PTPRT: variants seen among roughly 807,000 people sequenced by gnomAD.
PTPRT encodes receptor-type tyrosine-protein phosphatase T.
Under a neutral mutation model 176.8 loss-of-function variants are expected in PTPRT, and 56 were observed. That is an observed-to-expected ratio of 0.32 (90% confidence interval 0.26 to 0.40). PTPRT has a LOEUF of 0.40. Ranked by LOEUF, PTPRT falls within the 10% of genes least tolerant of loss-of-function variation. PTPRT has a pLI of 1.00. For missense variants in PTPRT, 1,540 were observed against 1,908.2 expected (o/e 0.81, Z 3.60); for synonymous variants, 783 against 739.0 (o/e 1.06, Z -0.96).
At position 42,413,125 on chromosome 20, in the gene PTPRT, G is replaced by T. The variant is rs151181733; in HGVS notation, c.1560+35095C>A. Among the ~76,000 whole-genome samples the T allele has an allele frequency of 2.8e-3, 419 of 152,162 alleles. 4 individuals carry two copies. Among genetic ancestry groups the T allele is most frequent in the African/African-American group, 9.4e-3 (392 of 41,500 alleles). The stretch of plus-strand genomic sequence containing the variant: ...AGATGACATTAGAGTGATACGGCAC[G>T]ATATTTTTGCCCAACCCTACCACCA... On this transcript the variant is annotated intron_variant, in intron 9 of 30. Transcript: ENST00000373187.
intron 12 of PTPRT, among the ~76,000 whole-genome samples, chr20:42,301,542 G>A (rs1183828466): frequency 1.3e-5 from 2 of 152,038 alleles, no homozygotes; most frequent in Non-Finnish European, 2.9e-5. Flanking sequence ...AGTATTATGT[G>A]GACATTAATT....
Position 42,087,999 on chromosome 20 carries a change from G to T in PTPRT, c.3847-2146C>A, listed in dbSNP as rs796164271. Among the ~76,000 whole-genome samples the T allele has an allele frequency of 3.3e-5, 5 of 152,110 alleles. 1 individual carries two copies. Among genetic ancestry groups the T allele is most frequent in the African/African-American group, 1.2e-4 (5 of 41,500 alleles). On this transcript the variant is annotated intron_variant, in intron 27 of 30. Coordinates refer to ENST00000373187, the MANE Select transcript of PTPRT (RefSeq NM_007050.6). ...AGAGAATGTTGAGGTGGGGGGTGGG[G>T]TGTGTGGCTGCAGAGAGGAGCAAGG... is the stretch of plus-strand genomic sequence containing the variant.
At chr20:43,177,347 G>C (rs114560290) in intron 1 of PTPRT, among the ~76,000 whole-genome samples, 365 of 152,320 alleles carry the variant, frequency 2.4e-3, no homozygotes, top group African/African-American at 8.1e-3. Context: ...GGAACCTTTT[G>C]TGTGAGCCAA....
intron 6 of PTPRT, among the ~76,000 whole-genome samples, chr20:42,749,538 A>C (rs1322364767): frequency 1.3e-5 from 2 of 152,240 alleles, no homozygotes; most frequent in Admixed American, 1.3e-4. Context: ...TCTGCCACTT[A>C]TGAGCAGTAT....
At chr20:42,462,436 C>A (rs1252432805) in intron 8 of PTPRT, among the ~76,000 whole-genome samples, 2 of 151,990 alleles carry the variant, frequency 1.3e-5, no homozygotes, top group African/African-American at 4.8e-5. Context: ...TTGTGAATAG[C>A]TGGAAATGAG....
intron 7 of PTPRT, among the ~76,000 whole-genome samples, chr20:42,586,333 T>C (rs1044805889): frequency 1.3e-5 from 2 of 152,234 alleles, no homozygotes; most frequent in African/African-American, 4.8e-5. Flanking sequence ...TTTAGCTCCA[T>C]CATTTTTCAC....
At chr20:42,921,840 C>G (rs1358503951) in intron 1 of PTPRT, among the ~76,000 whole-genome samples, 1 of 152,150 alleles carries the variant, frequency 6.6e-6, no homozygotes, top group Non-Finnish European at 1.5e-5. Context: ...GAGGTGAATT[C>G]TTGGCCCTCA....
At chr20:42,041,809 TATTATA>T in the PTPRT span, among the ~76,000 whole-genome samples, 285 of 152,372 alleles carry the variant, frequency 1.9e-3, 2 homozygotes, top group Non-Finnish European at 3.0e-3. Context: ...TGTTCTTTAC[TATTATA>T]ATTATCATTA....
At chr20:42,392,735 C>T (rs2058812045) in intron 9 of PTPRT, among the ~76,000 whole-genome samples, 1 of 152,138 alleles carries the variant, frequency 6.6e-6, no homozygotes, top group Admixed American at 6.5e-5. Flanking sequence ...AAACTTTGAA[C>T]AGCTTTCAGA....
Position 42,215,956 on chromosome 20 carries a change from C to T in PTPRT, c.2343-16568G>A, listed in dbSNP as rs147665852. On this transcript the variant is annotated intron_variant, in intron 15 of 30. Coordinates refer to ENST00000373187, the MANE Select transcript of PTPRT (RefSeq NM_007050.6). ...GCCTCACCCTTTAGATGCTCCTCCT[C>T]GGTCTGTCTGCTATATCCCAACAAA... 1.2e-3 allele frequency among the ~76,000 whole-genome samples: 185 copies of T among 152,298 alleles called. 1 individual carries two copies. The highest frequency in any genetic ancestry group is 3.9e-3 in the African/African-American group (161 of 41,556).
intron 1 of PTPRT, among the ~76,000 whole-genome samples, chr20:42,912,985 A>G (rs775121249): frequency 2.8e-4 from 43 of 152,330 alleles, no homozygotes; most frequent in Non-Finnish European, 4.4e-4. Flanking sequence ...TTAAATGCCT[A>G]TCCTACCTCT....
chr20:42,901,742 C>T (rs1239896442), intron 1 of PTPRT, among the ~76,000 whole-genome samples: 1 of 152,198 alleles, frequency 6.6e-6, no homozygotes, highest in East Asian at 1.9e-4. Flanking sequence ...CCTCCTGCCC[C>T]ATTAAGGAAA....
intron 17 of PTPRT, among the ~76,000 whole-genome samples, chr20:42,152,763 T>A (rs956814308): frequency 5.9e-5 from 9 of 152,160 alleles, no homozygotes; most frequent in African/African-American, 2.2e-4. Flanking sequence ...GACCAGCAAC[T>A]CTCCTCTAAA....
intron 1 of PTPRT, among the ~76,000 whole-genome samples, chr20:43,056,202 T>C (rs2146242320): frequency 6.6e-6 from 1 of 152,214 alleles, no homozygotes; most frequent in East Asian, 1.9e-4. Flanking sequence ...GAGACAACCA[T>C]CCACCAAAGA....
At chr20:42,842,059 C>T (rs913612292) in intron 2 of PTPRT, among the ~76,000 whole-genome samples, 3 of 152,232 alleles carry the variant, frequency 2.0e-5, no homozygotes, top group Non-Finnish European at 4.4e-5. Context: ...CAGCTCCATT[C>T]CACATCTCTT....
chr20:42,422,588 A>G (rs987381378), intron 9 of PTPRT, among the ~76,000 whole-genome samples: 5 of 152,234 alleles, frequency 3.3e-5, no homozygotes, highest in South Asian at 2.1e-4. Context: ...GAACACTTAT[A>G]TACTGCTGGT....
intron 12 of PTPRT, among the ~76,000 whole-genome samples, chr20:42,289,940 A>G (rs377597957): frequency 1.1e-4 from 16 of 152,194 alleles, no homozygotes; most frequent in African/African-American, 3.4e-4. Flanking sequence ...CTTTAATTCC[A>G]TAACCAATTT....
intron 11 of PTPRT, among the ~76,000 whole-genome samples, chr20:42,319,384 A>T (rs778293374): frequency 1.3e-4 from 19 of 151,838 alleles, no homozygotes; most frequent in Non-Finnish European, 2.4e-4. Flanking sequence ...AACCAACTCC[A>T]TATGAAATTA....
rs77308845 is a variant in PTPRT at position 42,986,515 on chromosome 20, G to A, written c.89-100583C>T. 2.4e-4 allele frequency among the ~76,000 whole-genome samples: 37 copies of A among 152,296 alleles called. 1 individual carries two copies. Among genetic ancestry groups the A allele is most frequent in the Admixed American group, 6.5e-5 (1 of 15,306 alleles). On this transcript the variant is annotated intron_variant, in intron 1 of 30. Coordinates refer to ENST00000373187, the MANE Select transcript of PTPRT (RefSeq NM_007050.6). The stretch of plus-strand genomic sequence containing the variant: ...TCCAGCATTCCCCTTAGTACAGCTC[G>A]AGAGACAGTTTCTGAATGGAGCTTT...
Sources: allele counts gnomAD v4.1 joint callset (sites outside exome capture counted in the v4.1 genomes callset), GRCh38; gene constraint gnomAD v4.1.1; transcripts MANE v1.5; gene names NCBI Gene and HGNC (gene_info 2026-07-23, HGNC 2026-07-21).